Variants in GALC observed in about 807,000 individuals in gnomAD.
GALC encodes the protein galactosylceramidase.
A neutral mutation model predicts 91.8 loss-of-function variants in GALC; 77 were observed. The ratio of observed to expected loss-of-function variants is 0.84; its 90% CI spans 0.70 to 1.01. The LOEUF (loss-of-function observed/expected upper bound fraction) is 1.01, where lower values mean the gene tolerates loss of function less well. Ranked by LOEUF, GALC falls within the 50% of genes least tolerant of loss-of-function variation. The pLI is 0.00. For synonymous variants in GALC, 357 were observed against 306.7 expected (o/e 1.16, Z -1.71); for missense variants, 882 against 855.9 (o/e 1.03, Z -0.38).
chr14:87,941,212 TC>T (rs1330780907), intron 15 of GALC, among the ~76,000 whole-genome samples, 182 bp downstream of exon 15: 1 of 151,968 alleles, frequency 6.6e-6, no homozygotes, highest in African/African-American at 2.4e-5. Flanking sequence ...TGCCCCCATC[TC>T]TAGGAATTAA....
chr14:87,993,463 G>A (rs1176163346), upstream of GALC: 7 of 1,535,696 alleles, frequency 4.6e-6, no homozygotes, highest in Admixed American at 2.0e-5. Flanking sequence ...AAAGGAAGAG[G>A]GCCATGAGTG....
In GALC at chr14:87,934,637, T is replaced by G. The variant is rs1884490688; in HGVS notation, c.*95A>C. ...TTCATTATTTTTAGTCTCAAAAGCC[T>G]CATATACTGTTCCAATGAAACAAGA... On this transcript the variant is annotated 3_prime_UTR_variant, in exon 17 of 17. Transcript: ENST00000261304. 1 of 1,603,018 alleles carries G rather than the reference T, an allele frequency of 6.2e-7. No homozygotes were observed. Among genetic ancestry groups the G allele is most frequent in the African/African-American group, 1.3e-5 (1 of 74,574 alleles).
At chr14:87,954,700 T>C (rs1413774677) in intron 10 of GALC, 12 of 1,552,338 alleles carry the variant, frequency 7.7e-6, no homozygotes, top group Non-Finnish European at 9.8e-6. Context: ...TGTCATTTCC[T>C]ATTACGGCAG....
Position 87,945,574 on chromosome 14 carries a change from C to T in GALC, c.1649G>A (p.Ser550Asn). 1 of 1,606,428 alleles carries T rather than the reference C, an allele frequency of 6.2e-7. No individual in the cohort carries two copies. The highest frequency in any genetic ancestry group is 8.5e-7 in the Non-Finnish European group (1 of 1,173,320). The change falls in exon 14 of 17, where the codon AGT becomes AAT. Residue 550 changes from serine to asparagine, a missense_variant. Coordinates refer to ENST00000261304, the MANE Select transcript of GALC (RefSeq NM_000153.4). Reference protein sequence around the residue: ...TWAADASNTISIIGDYNWTNL... With the variant: ...TWAADASNTINIIGDYNWTNL... ...TTACCAGTTGTAGTCTCCTATAATA[C>T]TGATTGTGTTGGATGCATCGGCAGC...
chr14:87,990,916 T>C (rs1229847648), intron 1 of GALC, among the ~76,000 whole-genome samples: 1 of 152,184 alleles, frequency 6.6e-6, no homozygotes, highest in Non-Finnish European at 1.5e-5. Flanking sequence ...CATCATTCAG[T>C]GGCCTTGAAA....
chr14:87,965,644 A>T lies in GALC; in HGVS notation c.909-15T>A. Reference sequence around the variant, plus strand: ...ATGCGATTGTGCTAAAAGATTTGATAAAAAAGAAACACCAAGACAACTTGT... The same window carrying T: ...ATGCGATTGTGCTAAAAGATTTGATTAAAAAGAAACACCAAGACAACTTGT... On this transcript the variant is annotated splice_polypyrimidine_tract_variant and intron_variant, in intron 8 of 16. Coordinates refer to ENST00000261304, the MANE Select transcript of GALC (RefSeq NM_000153.4). 1.2e-6 allele frequency: 2 copies of T among 1,612,634 alleles called. No individual in the cohort carries two copies. Among genetic ancestry groups the T allele is most frequent in the South Asian group, 1.1e-5 (1 of 91,032 alleles).
chr14:87,950,517 G>C, intron 11 of GALC, 142 bp downstream of exon 11: 1 of 604,834 alleles, frequency 1.7e-6, no homozygotes, highest in Non-Finnish European at 3.0e-6. Flanking sequence ...TCGGAAGACA[G>C]AAGACACCAG....
At chr14:87,961,477 T>C (rs898513312) in intron 10 of GALC, among the ~76,000 whole-genome samples, 3 of 152,152 alleles carry the variant, frequency 2.0e-5, no homozygotes, top group Non-Finnish European at 4.4e-5. Context: ...CCAAGAGAAC[T>C]GAAAACACGT....
At chr14:87,965,938 A>G (rs1886034808) in intron 8 of GALC, among the ~76,000 whole-genome samples, 1 of 152,224 alleles carries the variant, frequency 6.6e-6, no homozygotes, top group South Asian at 2.1e-4. Context: ...TACCCAACAC[A>G]TCACAAATTT....
intron 6 of GALC, among the ~76,000 whole-genome samples, chr14:87,978,678 G>GT (rs1341491493): frequency 1.3e-5 from 2 of 151,898 alleles, no homozygotes; most frequent in Admixed American, 1.3e-4. Flanking sequence ...AAATGAACTT[G>GT]TTCTGGTTGA....
At chr14:87,958,906 G>A (rs990492473) in intron 10 of GALC, among the ~76,000 whole-genome samples, 1 of 151,910 alleles carries the variant, frequency 6.6e-6, no homozygotes, top group African/African-American at 2.4e-5. Flanking sequence ...AAAAACAAAG[G>A]GAAAGTGCTT....
At chr14:87,940,635 T>C (rs1884794528) in intron 15 of GALC, among the ~76,000 whole-genome samples, 1 of 152,002 alleles carries the variant, frequency 6.6e-6, no homozygotes, top group South Asian at 2.1e-4. Context: ...ATGCTATGAA[T>C]ATGTAACTCT....
chr14:87,947,598 T>G, intron 13 of GALC, 130 bp downstream of exon 13: 2 of 864,806 alleles, frequency 2.3e-6, no homozygotes, highest in Non-Finnish European at 3.9e-6. Flanking sequence ...TTTTACCGCA[T>G]ATGAGATGTA....
At chr14:87,964,116 A>T (rs563391487) in intron 9 of GALC, among the ~76,000 whole-genome samples, 43 of 152,182 alleles carry the variant, frequency 2.8e-4, no homozygotes, top group African/African-American at 1.0e-3. Flanking sequence ...CAATATTAGA[A>T]TATACAAGTC....
intron 6 of GALC, among the ~76,000 whole-genome samples, chr14:87,979,741 G>A (rs1886658759): frequency 6.6e-6 from 1 of 152,154 alleles, no homozygotes; most frequent in Non-Finnish European, 1.5e-5. Flanking sequence ...TGTCAAATTT[G>A]GGTATTTAAA....
rs1566969057 is a variant in GALC, at chr14:87,941,451, C to G, written c.1778G>C (p.Arg593Thr). The G allele has an allele frequency of 1.2e-6, 2 of 1,609,754 alleles. No individual in the cohort carries two copies. Among genetic ancestry groups the G allele is most frequent in the East Asian group, 2.2e-5 (1 of 44,786 alleles). ...TGCAAAAATCCAGAAGAAAATTCCT[C>G]TGGCACTTCTAATCAAAATACCACC... The part of the protein sequence containing the change: ...NKGGILIRSA[R>T]GIFFWIFANG... The change falls in exon 15 of 17, where the codon AGA (arginine) becomes ACA (threonine). Residue 593 changes from arginine to threonine, a missense_variant. Coordinates refer to ENST00000261304, the MANE Select transcript of GALC (RefSeq NM_000153.4).
intron 11 of GALC, among the ~76,000 whole-genome samples, chr14:87,950,386 AG>A (rs1195194703): frequency 2.0e-5 from 3 of 151,950 alleles, no homozygotes; most frequent in African/African-American, 7.2e-5. Context: ...AAAGTTCCCT[AG>A]ACCATAAAAT....
chr14:87,993,625 G>C (rs1887340303), upstream of GALC: 1 of 666,608 alleles, frequency 1.5e-6, no homozygotes, highest in Non-Finnish European at 2.6e-6. Flanking sequence ...GAGGCGAGAA[G>C]AGCAGCAGAG....
intron 7 of GALC, among the ~76,000 whole-genome samples, chr14:87,969,198 C>T (rs1299372376): frequency 2.6e-5 from 4 of 152,126 alleles, no homozygotes; most frequent in African/African-American, 4.8e-5. Context: ...TTTTTTCAAC[C>T]GTCCCACCTG....
Sources: allele counts gnomAD v4.1 joint callset (sites outside exome capture counted in the v4.1 genomes callset), GRCh38; gene constraint gnomAD v4.1.1; transcripts MANE v1.5; gene names NCBI Gene and HGNC (gene_info 2026-07-23, HGNC 2026-07-21).